Variants in CDH18 observed in about 807,000 individuals in gnomAD.
CDH18 encodes the protein cadherin 18, also known as cadherin-18.
In CDH18, 31 loss-of-function variants were observed where a neutral mutation model predicts 67.9. The ratio of observed to expected loss-of-function variants is 0.46; its 90% CI spans 0.34 to 0.62. The LOEUF is 0.62. Among genes scored for constraint, CDH18 ranks in the 20% least tolerant of loss-of-function variants. CDH18 has a pLI of 0.01. For synonymous variants in CDH18, 362 were observed against 347.2 expected, an observed-to-expected ratio of 1.04 and a Z score of -0.48; for missense variants, 890 against 975.5, an observed-to-expected ratio of 0.91 and a Z score of 1.17.
intron 2 of CDH18, among the ~76,000 whole-genome samples, chr5:20,149,199 T>C (rs1171041855): frequency 6.6e-6 from 1 of 152,204 alleles, no homozygotes; most frequent in Admixed American, 6.5e-5. Flanking sequence ...TCTTAAATAC[T>C]TGTGGCTCAA....
chr5:20,299,712 C>T (rs562072860), intron 1 of CDH18, among the ~76,000 whole-genome samples: 56 of 145,970 alleles, frequency 3.8e-4, no homozygotes, highest in Admixed American at 4.9e-4. Flanking sequence ...GAGCCAAGAT[C>T]GCACCACTGT....
intron 9 of CDH18, 87 bp downstream of exon 9, chr5:19,543,782 G>T: frequency 1.1e-6 from 1 of 897,578 alleles, no homozygotes; most frequent in Non-Finnish European, 1.6e-6. Context: ...CAAAAATAAA[G>T]ATTATGAGAG....
At chr5:19,492,754 A>G (rs953182640) in intron 11 of CDH18, among the ~76,000 whole-genome samples, 1 of 152,030 alleles carries the variant, frequency 6.6e-6, no homozygotes, top group African/African-American at 2.4e-5. Context: ...TAAAAGAAAA[A>G]CCCTTCACTT....
At chr5:19,493,657 T>G (rs865783878) in intron 11 of CDH18, among the ~76,000 whole-genome samples, 2 of 152,256 alleles carry the variant, frequency 1.3e-5, no homozygotes, top group Middle Eastern at 6.8e-3. Context: ...AGACATTTCA[T>G]AAGAAATCCT....
rs1202730990 is a variant in CDH18 at position 19,914,316 on chromosome 5, T to G, written c.-257+66744A>C. 2.0e-5 allele frequency among the ~76,000 whole-genome samples: 3 copies of G among 152,102 alleles called. No homozygotes were observed. The East Asian group carries it at 5.8e-4, about 29-fold the overall frequency. ...GTAAAATCTCTGGGCCTAAATCAAC[T>G]GTATAAAGTTATATACTCTCCCCAG... On this transcript the variant is annotated intron_variant, in intron 2 of 12. Coordinates refer to ENST00000382275, the MANE Select transcript of CDH18 (RefSeq NM_004934.5).
chr5:20,407,195 T>C (rs147608343), intron 1 of CDH18, among the ~76,000 whole-genome samples: 97 of 152,254 alleles, frequency 6.4e-4, no homozygotes, highest in African/African-American at 2.2e-3. Flanking sequence ...AAAATCAAGC[T>C]TTCATTTTTT....
At chr5:19,512,811 A>T (rs1266785309) in intron 10 of CDH18, among the ~76,000 whole-genome samples, 1 of 152,200 alleles carries the variant, frequency 6.6e-6, no homozygotes, top group South Asian at 2.1e-4. Flanking sequence ...TGGTTTACAA[A>T]TATTTTAATT....
intron 1 of CDH18, among the ~76,000 whole-genome samples, chr5:20,521,565 C>G (rs1755744355): frequency 6.6e-6 from 1 of 151,928 alleles, no homozygotes; most frequent in Non-Finnish European, 1.5e-5. Flanking sequence ...ATGTAGGCCC[C>G]AAAATTTAAA....
chr5:20,226,534 T>A (rs1166552291), intron 2 of CDH18, among the ~76,000 whole-genome samples: 1 of 152,078 alleles, frequency 6.6e-6, no homozygotes, highest in Non-Finnish European at 1.5e-5. Context: ...AACAGTAAAA[T>A]AATTGTCGTT....
At chr5:19,811,311 G>A (rs1778720517) in intron 3 of CDH18, among the ~76,000 whole-genome samples, 3 of 151,936 alleles carry the variant, frequency 2.0e-5, no homozygotes, top group Admixed American at 1.3e-4. Flanking sequence ...GTCTTTACAG[G>A]GCTAATCAAT....
At chr5:20,212,500 A>G (rs1740431491) in intron 2 of CDH18, among the ~76,000 whole-genome samples, 1 of 152,088 alleles carries the variant, frequency 6.6e-6, no homozygotes, top group Admixed American at 6.6e-5. Flanking sequence ...GGTTGAAATG[A>G]AGGAAAAAAT....
intron 1 of CDH18, among the ~76,000 whole-genome samples, chr5:20,260,558 C>CTGGATTTTG: frequency 6.6e-6 from 1 of 152,158 alleles, no homozygotes; most frequent in African/African-American, 2.4e-5. Flanking sequence ...TTTTGCATTT[C>CTGGATTTTG]AGAAAGACTT....
In CDH18 at chr5:20,408,691, G is replaced by A. The variant is rs1435791650; in HGVS notation, c.-579-153186C>T. Among the ~76,000 whole-genome samples the A allele has an allele frequency of 2.6e-5, 4 of 151,864 alleles. No homozygotes were observed. The East Asian group carries it at 7.7e-4, about 29-fold the overall frequency. The stretch of plus-strand genomic sequence containing the variant: ...GGGGAAAAAAGTGCCTAAGAACTAA[G>A]AAGAACAGAAATTAATTCATGAGAT... On this transcript the variant is annotated intron_variant, in intron 1 of 14. Transcript: ENST00000507958.
intron 3 of CDH18, among the ~76,000 whole-genome samples, chr5:19,829,048 T>G (rs534068970): frequency 6.6e-6 from 1 of 151,706 alleles, no homozygotes; most frequent in African/African-American, 2.4e-5. Context: ...AAAAATAAAT[T>G]AATTAATTAA....
chr5:19,757,010 G>A (rs911470677), intron 3 of CDH18, among the ~76,000 whole-genome samples: 3 of 152,192 alleles, frequency 2.0e-5, no homozygotes, highest in African/African-American at 7.2e-5. Flanking sequence ...TTGTAATTGT[G>A]ACTTCAAAAG....
chr5:20,378,285 C>T (rs1163783886), intron 1 of CDH18, among the ~76,000 whole-genome samples: 2 of 152,148 alleles, frequency 1.3e-5, no homozygotes, highest in African/African-American at 4.8e-5. Context: ...CATTCTCCTG[C>T]CTCAGCCTCC....
chr5:20,175,292 T>G (rs1366885555), intron 2 of CDH18, among the ~76,000 whole-genome samples: 1 of 151,992 alleles, frequency 6.6e-6, no homozygotes, highest in Non-Finnish European at 1.5e-5. Flanking sequence ...AACCCCATAC[T>G]CACCAGCCTG....
chr5:20,543,576 T>G (rs1364755851), intron 1 of CDH18, among the ~76,000 whole-genome samples: 1 of 152,158 alleles, frequency 6.6e-6, no homozygotes. Context: ...TATATTGCTT[T>G]TAAATAGAAT....
intron 1 of CDH18, among the ~76,000 whole-genome samples, chr5:20,377,512 G>C (rs977942902): frequency 6.6e-6 from 1 of 152,102 alleles, no homozygotes; most frequent in Non-Finnish European, 1.5e-5. Context: ...AGTGTCTCAA[G>C]TACTGTTATT....
Sources: allele counts gnomAD v4.1 joint callset (sites outside exome capture counted in the v4.1 genomes callset), GRCh38; gene constraint gnomAD v4.1.1; transcripts MANE v1.5; gene names NCBI Gene and HGNC (gene_info 2026-07-23, HGNC 2026-07-21).